Variants in TCTN1 observed in about 807,000 individuals in gnomAD.
TCTN1 encodes tectonic family member 1, also known as tectonic-1.
Under a neutral mutation model 65.8 loss-of-function variants are expected in TCTN1, and 58 were observed. The ratio of observed to expected loss-of-function variants is 0.88; its 90% CI spans 0.71 to 1.10. The LOEUF (loss-of-function observed/expected upper bound fraction) is 1.10. Among genes scored for constraint, TCTN1 ranks in the 50% least tolerant of loss-of-function variants. The probability of loss-of-function intolerance (pLI) is 0.00; values close to 1 mark genes in which losing one functional copy is unlikely to be tolerated. For synonymous variants in TCTN1, 273 were observed against 289.1 expected (o/e 0.94, Z 0.57); for missense variants, 645 against 719.4 (o/e 0.90, Z 1.18).
chr12:110,642,327 A>G lies in TCTN1; in HGVS notation c.1269A>G (p.Ala423=). The part of the protein sequence containing the change: ...LHSTTEQDCL[A]LEGVRTPVLF... ...GCACAACTGAGCAAGACTGCTTAGC[A>G]CTGGAGGGGGTCCGGACCCCAGTAT... is the stretch of plus-strand genomic sequence containing the variant. The change falls in exon 11 of 15, where the codon GCA becomes GCG. Residue 423 remains alanine, a synonymous_variant. Coordinates refer to ENST00000397659, the MANE Select transcript of TCTN1 (RefSeq NM_001082538.3). 6.2e-7 allele frequency: 1 copy of G among 1,614,190 alleles called. No homozygotes were observed.
At chr12:110,626,521 G>A (rs770467151) in intron 3 of TCTN1, 29 bp downstream of exon 3, 36 of 1,600,620 alleles carry the variant, frequency 2.2e-5, no homozygotes, top group Non-Finnish European at 6.0e-6. Flanking sequence ...TATATTTTGT[G>A]AAGCTCTGGA....
At chr12:110,616,409 C>T (rs1418376434) in intron 1 of TCTN1, 1 of 290,796 alleles carries the variant, frequency 3.4e-6, no homozygotes. Flanking sequence ...TGCATGCCAC[C>T]ACGCCCGGCT....
At chr12:110,634,104 A>G (rs540944735) in intron 5 of TCTN1, among the ~76,000 whole-genome samples, 22 of 152,366 alleles carry the variant, frequency 1.4e-4, no homozygotes, top group Admixed American at 5.9e-4. Context: ...TCAGTAAACA[A>G]AATGAGGGGC....
In TCTN1 at chr12:110,629,073, T is replaced by C. The variant is rs530175639; in HGVS notation, c.624+155T>C. ...GTTCATGCCTACAAATCAAAGATCA[T>C]GAAAATTAAAACTGAATATTTGAAG... On this transcript the variant is annotated intron_variant, in intron 4 of 14. Transcript: ENST00000397659. The C allele has an allele frequency of 7.2e-6, 6 of 837,264 alleles. No individual in the cohort carries two copies. In the South Asian group the frequency reaches 7.9e-5, roughly 11 times the overall value. The allele number at this position is 837,264 out of a possible 1,614,324, so 51.9% of individuals were successfully genotyped here.
In TCTN1 at chr12:110,644,685, A is replaced by G. The variant is rs535843257; in HGVS notation, c.1332-282A>G. ...AGAGCAAACTCCATCTCAAAACAAAACAAAAAAACCAAAAATCAAAACTTA... is the reference window on the plus strand; with the variant it reads ...AGAGCAAACTCCATCTCAAAACAAAGCAAAAAAACCAAAAATCAAAACTTA... On this transcript the variant is annotated intron_variant, in intron 11 of 14. Transcript: ENST00000397659. This position sits in a 1 kb window ranked among gnomAD's most constrained non-coding sequence, Gnocchi z 4.6. 2.3e-5 allele frequency: 10 copies of G among 431,072 alleles called. No individual in the cohort carries two copies. Among genetic ancestry groups the G allele is most frequent in the South Asian group, 2.1e-4 (10 of 46,842 alleles). The allele number at this position is 431,072 out of a possible 1,614,324, so 26.7% of individuals were successfully genotyped here. A position where few individuals can be genotyped will look rare whatever the true frequency, so the allele number is the denominator to read the frequency against.
intron 2 of TCTN1, among the ~76,000 whole-genome samples, chr12:110,622,002 G>A (rs974893569): frequency 3.9e-5 from 6 of 152,086 alleles, no homozygotes; most frequent in Admixed American, 3.3e-4. Context: ...GCTGGGCGTG[G>A]TGGTGGGTGC....
At chr12:110,624,202 G>A (rs1305396801) in intron 2 of TCTN1, among the ~76,000 whole-genome samples, 3 of 151,220 alleles carry the variant, frequency 2.0e-5, no homozygotes, top group Non-Finnish European at 2.9e-5. Flanking sequence ...CATTGTAGGC[G>A]TGAGCCACTG....
intron 1 of TCTN1, among the ~76,000 whole-genome samples, chr12:110,616,514 A>G (rs959424917): frequency 2.0e-5 from 3 of 152,130 alleles, no homozygotes; most frequent in Non-Finnish European, 4.4e-5. Flanking sequence ...CCATAGTGTT[A>G]GGATTACAGG....
chr12:110,632,639 C>A, intron 5 of TCTN1, 80 bp downstream of exon 5: 1 of 1,494,826 alleles, frequency 6.7e-7, no homozygotes. Context: ...CGGTTTTTGC[C>A]ATTAAAAGTA....
chr12:110,637,791 G>A (rs994252049), intron 7 of TCTN1, among the ~76,000 whole-genome samples: 4 of 152,204 alleles, frequency 2.6e-5, no homozygotes, highest in African/African-American at 4.8e-5. Flanking sequence ...AACTGGAACC[G>A]TCTGTGGGGG....
intron 1 of TCTN1, among the ~76,000 whole-genome samples, chr12:110,617,148 A>T (rs953679437): frequency 6.6e-6 from 1 of 152,152 alleles, no homozygotes; most frequent in African/African-American, 2.4e-5. Flanking sequence ...AGCACTTTTA[A>T]TTTTTTACAT....
intron 4 of TCTN1, among the ~76,000 whole-genome samples, chr12:110,631,509 C>A (rs2066235344): frequency 1.3e-5 from 2 of 152,048 alleles, no homozygotes; most frequent in South Asian, 4.1e-4. Flanking sequence ...TGGTGCGTGC[C>A]TGTAGTTCCA....
intron 7 of TCTN1, 63 bp downstream of exon 7, chr12:110,636,564 T>C: frequency 9.8e-7 from 1 of 1,017,326 alleles, no homozygotes; most frequent in Admixed American, 2.0e-5. Flanking sequence ...GTCTTATTTC[T>C]GAGCCCTTTT....
chr12:110,645,841 C>T (rs1020044742), intron 12 of TCTN1: 2 of 153,362 alleles, frequency 1.3e-5, no homozygotes, highest in African/African-American at 4.8e-5. Flanking sequence ...TCAGACCTCT[C>T]ATTATCCGCT....
At chr12:110,626,607 T>G in intron 3 of TCTN1, 115 bp downstream of exon 3, 1 of 1,120,568 alleles carries the variant, frequency 8.9e-7, no homozygotes, top group Non-Finnish European at 1.3e-6. Flanking sequence ...TGAGACAGAG[T>G]CTTGCTCTGT....
In TCTN1 at chr12:110,649,228, A is replaced by C. The variant is rs1483743071; in HGVS notation, c.*187A>C. On this transcript the variant is annotated 3_prime_UTR_variant, in exon 15 of 15. Coordinates refer to ENST00000397659, the MANE Select transcript of TCTN1 (RefSeq NM_001082538.3). ...CAGTGTGGGGTGGGAGTGGATGGGC[A>C]GCTCTTGGTGGTACTGGACCTTCCA... The C allele has an allele frequency of 1.5e-6, 1 of 672,230 alleles. No homozygotes were observed. Among genetic ancestry groups the C allele is most frequent in the Non-Finnish European group, 2.7e-6 (1 of 369,948 alleles). 41.6% of individuals were successfully genotyped at this position (672,230 alleles called of 1,614,324 possible).
chr12:110,617,596 G>C (rs550219014), intron 1 of TCTN1, among the ~76,000 whole-genome samples: 2 of 151,556 alleles, frequency 1.3e-5, no homozygotes, highest in Non-Finnish European at 2.9e-5. Flanking sequence ...CAGAGTGCTA[G>C]GATACAGGCG....
chr12:110,621,846 G>A (rs1027868010), intron 2 of TCTN1, among the ~76,000 whole-genome samples: 5 of 151,432 alleles, frequency 3.3e-5, no homozygotes, highest in African/African-American at 1.2e-4. Context: ...CGTTAAGAAT[G>A]AGTTGAATTG....
Position 110,640,358 on chromosome 12 carries a change from A to T in TCTN1, c.844-25A>T. On this transcript the variant is annotated intron_variant, in intron 7 of 14. Transcript: ENST00000397659. This position sits in a 1 kb window ranked among gnomAD's most constrained non-coding sequence, Gnocchi z 4.9. Reference sequence around the variant, plus strand: ...CATCCTCCCTGGGTAGAGCATCTTCAACACTCCAGGTCTTCACTCTGCAGG... The same window carrying T: ...CATCCTCCCTGGGTAGAGCATCTTCTACACTCCAGGTCTTCACTCTGCAGG... The T allele has an allele frequency of 6.2e-7, 1 of 1,614,066 alleles. No individual in the cohort carries two copies. The highest frequency in any genetic ancestry group is 8.5e-7 in the Non-Finnish European group (1 of 1,179,984).
Sources: gnomAD v4.1 joint callset for allele counts (sites outside exome capture counted in the v4.1 genomes callset) on GRCh38, gnomAD v4.1.1 for gene constraint, Gnocchi (gnomAD v3.1) non-coding constraint, MANE v1.5 for transcripts, NCBI Gene and HGNC (gene_info 2026-07-23, HGNC 2026-07-21) for gene names.